The following ABCB7 variants were observed in gnomAD, a reference collection of about 807,000 sequenced individuals.
ABCB7 encodes iron-sulfur clusters transporter ABCB7, mitochondrial.
A neutral mutation model predicts 54.4 loss-of-function variants in ABCB7; 7 were observed. The ratio of observed to expected loss-of-function variants is 0.13; its 90% CI spans 0.07 to 0.24. The LOEUF (loss-of-function observed/expected upper bound fraction) is 0.24, where lower values mean the gene tolerates loss of function less well. ABCB7 is among the 10% of genes least tolerant of loss of function. The pLI, the probability that ABCB7 is intolerant of heterozygous loss-of-function variation, is 1.00. For missense variants in ABCB7, 356 were observed against 570.4 expected, an observed-to-expected ratio of 0.62 and a Z score of 3.83; for synonymous variants, 218 against 207.1, an observed-to-expected ratio of 1.05 and a Z score of -0.45.
intron 10 of ABCB7, 78 bp from the exon 11 acceptor site, chrX:75,069,532 G>T: frequency 3.6e-5 from 37 of 1,021,192 alleles, no homozygotes; most frequent in Non-Finnish European, 4.8e-5. Context: ...CTAATTCACA[G>T]AAAGAAAAAG....
chrX:75,127,024 T>C (rs2081937264), intron 1 of ABCB7, among the ~76,000 whole-genome samples: 1 of 110,496 alleles, frequency 9.1e-6, no homozygotes, highest in South Asian at 3.9e-4. Context: ...TTCCAAACAA[T>C]GGAAAAAAAG....
At chrX:75,149,244 C>A (rs765278507) in intron 1 of ABCB7, among the ~76,000 whole-genome samples, 7 of 111,899 alleles carry the variant, frequency 6.3e-5, no homozygotes, top group Non-Finnish European at 1.3e-4. Flanking sequence ...AAAATTTCTA[C>A]AAACAGCAAA....
At chrX:75,066,917 C>CCAT (rs2081324197) in intron 12 of ABCB7, among the ~76,000 whole-genome samples, 1 of 111,609 alleles carries the variant, frequency 9.0e-6, no homozygotes, top group Non-Finnish European at 1.9e-5. Flanking sequence ...AACACTGTAA[C>CCAT]CATCTACTTA....
chrX:75,150,266 T>A (rs1045381480), intron 1 of ABCB7, among the ~76,000 whole-genome samples: 13 of 111,276 alleles, frequency 1.2e-4, no homozygotes, highest in African/African-American at 3.3e-4. Context: ...CCAAATGACA[T>A]TAAATAAAGA....
chrX:75,071,512 C>A lies in ABCB7; in HGVS notation c.1204G>T (p.Ala402Ser), dbSNP rs2081363199. ...IMVLASQGIV[A>S]GTLTVGDLVM... is the part of the protein sequence containing the mutation. ...GTGATAGCCACAGACTCATTACCTG[C>A]CACAATTCCCTGACTGGCGAGCACC... The change falls in exon 9 of 16, where the codon GCA (alanine) becomes TCA (serine). Residue 402 changes from alanine (A) to serine (S), a missense_variant. Around this residue, in one of 2 missense-constraint regions of ABCB7, gnomAD observed 241 missense variants for 470.9 expected, o/e 0.51. Transcript: ENST00000373394. 2 of 1,208,823 alleles carry A rather than the reference C, an allele frequency of 1.7e-6. No individual in the cohort carries two copies. The highest frequency in any genetic ancestry group is 2.2e-6 in the Non-Finnish European group (2 of 894,739).
chrX:75,070,352 A>G lies in ABCB7; in HGVS notation c.1365+13T>C. 1.7e-6 allele frequency: 2 copies of G among 1,199,114 alleles called. No individual in the cohort carries two copies. The highest frequency in any genetic ancestry group is 2.3e-6 in the Non-Finnish European group (2 of 884,355). On this transcript the variant is annotated intron_variant, in intron 10 of 15. Coordinates refer to ENST00000373394, the MANE Select transcript of ABCB7 (RefSeq NM_001271696.3). ...TCACATACTTTTGAAAAGGTACTAT[A>G]TAGATTACTTACTTTAATTTGGGTG...
rs1286263407 is a variant in ABCB7, at chrX:75,051,153, A to C, written c.*2217T>G. Among the ~76,000 whole-genome samples the C allele has an allele frequency of 1.8e-5, 2 of 110,750 alleles. No homozygotes were observed. Among genetic ancestry groups the C allele is most frequent in the African/African-American group, 3.3e-5 (1 of 30,452 alleles). On this transcript the variant is annotated 3_prime_UTR_variant, in exon 16 of 16. Transcript: ENST00000373394. The stretch of plus-strand genomic sequence containing the variant: ...AAATGTTGAAAAGGAAAAAAAAAAA[A>C]AAACTAATCCACTTTTCAGTTGATT...
At chrX:75,056,720 T>C (rs372905972) in intron 15 of ABCB7, among the ~76,000 whole-genome samples, 4 of 111,558 alleles carry the variant, frequency 3.6e-5, no homozygotes, top group African/African-American at 1.3e-4. Flanking sequence ...ACTATTCCAA[T>C]ATATCGCAAG....
At chrX:75,114,879 A>G in intron 1 of ABCB7, 48 bp from the exon 2 acceptor site, 2 of 970,448 alleles carry the variant, frequency 2.1e-6, no homozygotes, top group Non-Finnish European at 2.9e-6. Flanking sequence ...GTGGACACTT[A>G]ATATTCAAAG....
rs1248985957 is a variant in ABCB7 at position 75,052,793 on chromosome X, C to A, written c.*577G>T. Reference sequence around the variant, plus strand: ...AATCTGTCTCAAAAAAAAAAAACAACAAAAAACAAAAAACAACAAAACAAA... The same window carrying A: ...AATCTGTCTCAAAAAAAAAAAACAAAAAAAAACAAAAAACAACAAAACAAA... On this transcript the variant is annotated 3_prime_UTR_variant, in exon 16 of 16. Transcript: ENST00000373394. The A allele has an allele frequency of 2.7e-4, 27 of 99,269 alleles. No homozygotes were observed. Among genetic ancestry groups the A allele is most frequent in the East Asian group, 1.1e-3 (2 of 1,854 alleles). 8.2% of individuals were successfully genotyped at this position (99,269 alleles called of 1,213,427 possible).
At chrX:75,128,756 C>A (rs906817280) in intron 1 of ABCB7, among the ~76,000 whole-genome samples, 11 of 111,623 alleles carry the variant, frequency 9.9e-5, no homozygotes, top group South Asian at 3.7e-4. Flanking sequence ...AAGAAAAAAA[C>A]CAAATAACCC....
chrX:75,148,428 T>C (rs773723173), intron 1 of ABCB7, among the ~76,000 whole-genome samples: 2 of 109,374 alleles, frequency 1.8e-5, no homozygotes, highest in Non-Finnish European at 3.8e-5. Context: ...AGTATATCTT[T>C]CCAATTTTCT....
intron 3 of ABCB7, among the ~76,000 whole-genome samples, chrX:75,102,943 A>G (rs2081652216): frequency 1.8e-5 from 2 of 111,641 alleles, no homozygotes; most frequent in Non-Finnish European, 3.8e-5. Flanking sequence ...GTTGGTCATC[A>G]ATATGTCTTC....
At chrX:75,100,648 G>A (rs2081631738) in intron 3 of ABCB7, among the ~76,000 whole-genome samples, 2 of 110,926 alleles carry the variant, frequency 1.8e-5, no homozygotes, top group Admixed American at 1.9e-4. Flanking sequence ...CCTTATTCTC[G>A]CACAGTACAT....
At chrX:75,114,663 G>A in intron 2 of ABCB7, 91 bp downstream of exon 2, 2 of 727,169 alleles carry the variant, frequency 2.8e-6, no homozygotes, top group Admixed American at 2.7e-5. Flanking sequence ...CACAAAAAGG[G>A]AGATGTAAAA....
chrX:75,128,001 A>G (rs1313974356), intron 1 of ABCB7, among the ~76,000 whole-genome samples: 5 of 112,111 alleles, frequency 4.5e-5, no homozygotes, highest in Non-Finnish European at 9.4e-5. Context: ...AAGAATCAAT[A>G]TCGTGAAAAT....
chrX:75,095,305 A>G (rs1306519626), intron 4 of ABCB7, among the ~76,000 whole-genome samples: 1 of 111,853 alleles, frequency 8.9e-6, no homozygotes, highest in African/African-American at 3.3e-5. Context: ...GAGGTAGGAA[A>G]GATCAGAATA....
At chrX:75,103,878 T>TTA (rs2081660112) in intron 3 of ABCB7, among the ~76,000 whole-genome samples, 1 of 108,329 alleles carries the variant, frequency 9.2e-6, no homozygotes, top group Non-Finnish European at 1.9e-5. Context: ...GGTGTAGTCT[T>TTA]TAGTTTTTTT....
At chrX:75,138,572 C>A (rs993419423) in intron 1 of ABCB7, among the ~76,000 whole-genome samples, 8 of 112,149 alleles carry the variant, frequency 7.1e-5, no homozygotes, top group Non-Finnish European at 1.5e-4. Context: ...ACTTGACATA[C>A]AGAATAGCTT....
Sources: gnomAD v4.1 joint callset for allele counts (sites outside exome capture counted in the v4.1 genomes callset) on GRCh38, gnomAD v4.1.1 for gene constraint, gnomAD v4.1.1 regional missense constraint, MANE v1.5 for transcripts, NCBI Gene and HGNC (gene_info 2026-07-23, HGNC 2026-07-21) for gene names.